CPA3: variants seen among roughly 807,000 people sequenced by gnomAD.
CPA3 encodes mast cell carboxypeptidase A.
Under a neutral mutation model 55.8 loss-of-function variants are expected in CPA3, and 52 were observed. The ratio of observed to expected loss-of-function variants is 0.93; its 90% CI spans 0.75 to 1.17. CPA3 has a LOEUF of 1.17. CPA3 is among the 50% of genes most tolerant of loss of function. The pLI, the probability that CPA3 is intolerant of heterozygous loss-of-function variation, is 0.00. For missense variants in CPA3, 547 were observed against 509.1 expected, an observed-to-expected ratio of 1.07 and a Z score of -0.72; for synonymous variants, 179 against 171.2, an observed-to-expected ratio of 1.05 and a Z score of -0.36.
At chr3:148,868,482 A>G (rs370287169) in intron 2 of CPA3, among the ~76,000 whole-genome samples, 1 of 152,196 alleles carries the variant, frequency 6.6e-6, no homozygotes, top group East Asian at 1.9e-4. Context: ...TTGATACAAT[A>G]TCTTGTATCA....
intron 2 of CPA3, among the ~76,000 whole-genome samples, chr3:148,866,121 A>G (rs1004648626): frequency 3.3e-5 from 5 of 152,312 alleles, no homozygotes; most frequent in South Asian, 2.1e-4. Flanking sequence ...TCTCCAGCAG[A>G]TTCTCAATGT....
chr3:148,865,602 T>G lies in CPA3; in HGVS notation c.144+54T>G, dbSNP rs77558349. ...TTCTTACTGTTCTCTAAAAGATGCTTCTTCTTATTTTACTGTCAATGCCCA... is the reference window on the plus strand; with the variant it reads ...TTCTTACTGTTCTCTAAAAGATGCTGCTTCTTATTTTACTGTCAATGCCCA... On this transcript the variant is annotated intron_variant, in intron 2 of 10. Transcript: ENST00000296046. The G allele has an allele frequency of 1.1e-3, 1,618 of 1,480,204 alleles. 17 individuals are homozygous for G. In the African/African-American group the frequency reaches 0.02, roughly 18 times the overall value. 91.7% of individuals were successfully genotyped at this position (1,480,204 alleles called of 1,614,324 possible).
At chr3:148,874,341 A>G (rs1483506012) in intron 3 of CPA3, among the ~76,000 whole-genome samples, 1 of 152,244 alleles carries the variant, frequency 6.6e-6, no homozygotes, top group Non-Finnish European at 1.5e-5. Context: ...CTCTGGGACC[A>G]TAAAATTTCT....
intron 10 of CPA3, among the ~76,000 whole-genome samples, chr3:148,890,438 A>G (rs1714638544): frequency 6.6e-6 from 1 of 152,156 alleles, no homozygotes; most frequent in South Asian, 2.1e-4. Flanking sequence ...TGCTAGATCT[A>G]CCACTGATTC....
At chr3:148,888,186 A>C (rs1714582483) in intron 10 of CPA3, among the ~76,000 whole-genome samples, 1 of 152,238 alleles carries the variant, frequency 6.6e-6, no homozygotes, top group Non-Finnish European at 1.5e-5. Context: ...GAAAGTATAA[A>C]CTTTGAACTG....
At chr3:148,876,454 G>A (rs147083484) in intron 3 of CPA3, among the ~76,000 whole-genome samples, 5 of 150,784 alleles carry the variant, frequency 3.3e-5, no homozygotes, top group Non-Finnish European at 5.9e-5. Flanking sequence ...TCAGCTCACT[G>A]CAACCTCCAC....
rs1463463166 is a variant in CPA3 at position 148,897,092 on chromosome 3, T to G, written c.*385T>G. 1 of 157,316 alleles carries G rather than the reference T, an allele frequency of 6.4e-6. No homozygotes were observed. Among genetic ancestry groups the G allele is most frequent in the Non-Finnish European group, 1.4e-5 (1 of 71,536 alleles). 9.7% of individuals were successfully genotyped at this position (157,316 alleles called of 1,614,324 possible). On this transcript the variant is annotated 3_prime_UTR_variant, in exon 11 of 11. Coordinates refer to ENST00000296046, the MANE Select transcript of CPA3 (RefSeq NM_001870.4). ...AATGCACTTAATGCTTTAAAATTCA[T>G]CTTTTTATGATAAACTATATTCTCT...
Position 148,865,399 on chromosome 3 carries a change from A to C in CPA3, c.68+24A>C, listed in dbSNP as rs747006517. The C allele has an allele frequency of 1.9e-6, 3 of 1,613,688 alleles. No homozygotes were observed. In the East Asian group the frequency reaches 6.7e-5, roughly 36 times the overall value. On this transcript the variant is annotated intron_variant, in intron 1 of 10. Coordinates refer to ENST00000296046, the MANE Select transcript of CPA3 (RefSeq NM_001870.4). ...AGGTAAATCTTACTTCCTGTGTTCCAGTCTCTGTGTAGAAGAGAATTAAAG... is the reference window on the plus strand; with the variant it reads ...AGGTAAATCTTACTTCCTGTGTTCCCGTCTCTGTGTAGAAGAGAATTAAAG...
intron 2 of CPA3, among the ~76,000 whole-genome samples, chr3:148,868,069 A>G (rs929338467): frequency 6.6e-6 from 1 of 151,928 alleles, no homozygotes; most frequent in Non-Finnish European, 1.5e-5. Context: ...CTAATTCTCT[A>G]TTTTTAATAG....
At chr3:148,893,564 G>A (rs1248830428) in intron 10 of CPA3, among the ~76,000 whole-genome samples, 4 of 151,928 alleles carry the variant, frequency 2.6e-5, no homozygotes, top group South Asian at 4.1e-4. Flanking sequence ...TCATGTCATC[G>A]GTCCAAGGAA....
intron 8 of CPA3, among the ~76,000 whole-genome samples, chr3:148,883,317 A>G (rs772292135): frequency 5.3e-5 from 8 of 152,250 alleles, no homozygotes; most frequent in African/African-American, 1.9e-4. Flanking sequence ...TTAGAACTGG[A>G]GTGTATCTGG....
intron 3 of CPA3, among the ~76,000 whole-genome samples, chr3:148,871,441 C>T (rs1360493477): frequency 6.6e-6 from 1 of 152,174 alleles, no homozygotes; most frequent in Non-Finnish European, 1.5e-5. Flanking sequence ...TCTAGAAAAG[C>T]TAGTTGCTTG....
In CPA3 at chr3:148,865,300, G is replaced by C. The variant is rs1289133363; in HGVS notation, c.-8G>C. On this transcript the variant is annotated 5_prime_UTR_variant, in exon 1 of 11. Transcript: ENST00000296046. ...GCCAGAGGGTCTCAAGGCAGGCAAA[G>C]AAGAACCATGAGGCTCATCCTGCCT... 1 of 1,613,932 alleles carries C rather than the reference G, an allele frequency of 6.2e-7. No homozygotes were observed. Among genetic ancestry groups the C allele is most frequent in the South Asian group, 1.1e-5 (1 of 91,024 alleles).
chr3:148,887,615 T>G (rs751420689), intron 10 of CPA3, among the ~76,000 whole-genome samples: 5 of 152,178 alleles, frequency 3.3e-5, no homozygotes, highest in Non-Finnish European at 7.4e-5. Flanking sequence ...GACAATTAAC[T>G]CAGATCCTGG....
chr3:148,883,848 G>T (rs377231047), intron 9 of CPA3, 33 bp downstream of exon 9: 6 of 1,462,694 alleles, frequency 4.1e-6, no homozygotes, highest in East Asian at 4.5e-5. Flanking sequence ...TTCATGCATC[G>T]ACAATACCAT....
intron 10 of CPA3, among the ~76,000 whole-genome samples, chr3:148,892,295 G>C (rs1363530785): frequency 6.6e-6 from 1 of 152,184 alleles, no homozygotes; most frequent in African/African-American, 2.4e-5. Context: ...TAGGGCACCA[G>C]GCAATCACCT....
chr3:148,867,299 C>G (rs74682570), intron 2 of CPA3, among the ~76,000 whole-genome samples: 2 of 152,222 alleles, frequency 1.3e-5, no homozygotes, highest in African/African-American at 4.8e-5. Flanking sequence ...TCCTGCAGGA[C>G]GTCTCTTCTG....
chr3:148,885,072 G>T (rs1012329003), intron 9 of CPA3, among the ~76,000 whole-genome samples: 1 of 151,996 alleles, frequency 6.6e-6, no homozygotes, highest in Non-Finnish European at 1.5e-5. Flanking sequence ...TGTATTAAAA[G>T]GTCATGACAA....
chr3:148,891,062 A>G (rs1021563181), intron 10 of CPA3, among the ~76,000 whole-genome samples: 2 of 152,178 alleles, frequency 1.3e-5, no homozygotes, highest in Non-Finnish European at 2.9e-5. Context: ...CCTGGGCTTG[A>G]ATCCTGATTC....
Sources: allele counts gnomAD v4.1 joint callset (sites outside exome capture counted in the v4.1 genomes callset), GRCh38; gene constraint gnomAD v4.1.1; transcripts MANE v1.5; gene names NCBI Gene and HGNC (gene_info 2026-07-23, HGNC 2026-07-21).